Variants in TAF4B observed in about 807,000 individuals in gnomAD.
The protein encoded by TAF4B is transcription initiation factor TFIID subunit 4B.
In TAF4B, 38 loss-of-function variants were observed where a neutral mutation model predicts 86.4. That is an observed-to-expected ratio of 0.44 (90% CI 0.34 to 0.58). The LOEUF (loss-of-function observed/expected upper bound fraction) is 0.58, where lower values mean the gene tolerates loss of function less well. Among genes scored for constraint, TAF4B ranks in the 20% least tolerant of loss-of-function variants. The pLI is 0.02. For missense variants in TAF4B, 988 were observed against 1,027.6 expected, an observed-to-expected ratio of 0.96 and a Z score of 0.53; for synonymous variants, 388 against 391.2, an observed-to-expected ratio of 0.99 and a Z score of 0.10.
chr18:26,387,916 A>G (rs1598847990), intron 14 of TAF4B, among the ~76,000 whole-genome samples: 1 of 152,204 alleles, frequency 6.6e-6, no homozygotes, highest in South Asian at 2.1e-4. Context: ...GTGAACATGC[A>G]TGGAATTAAG....
In TAF4B at chr18:26,280,405, G is replaced by A. The variant is rs115814230; in HGVS notation, c.883-1566G>A. On this transcript the variant is annotated intron_variant, in intron 5 of 14. Coordinates refer to ENST00000269142, the MANE Select transcript of TAF4B (RefSeq NM_005640.3). ...CTACAGAATGGAAGAAAATATTTGC[G>A]AACTATATATCTGACAAAGGTCTAA... Among the ~76,000 whole-genome samples, 745 of 151,940 alleles carry A rather than the reference G, an allele frequency of 4.9e-3. 8 individuals are homozygous for A. The highest frequency in any genetic ancestry group is 0.017 in the African/African-American group (706 of 41,432).
chr18:26,296,384 T>G (rs1376557904), intron 9 of TAF4B, among the ~76,000 whole-genome samples: 1 of 152,114 alleles, frequency 6.6e-6, no homozygotes, highest in Non-Finnish European at 1.5e-5. Flanking sequence ...TGACTTGGGA[T>G]GTATTTAGTC....
chr18:26,310,075 G>A (rs1336158290), intron 9 of TAF4B, among the ~76,000 whole-genome samples: 4 of 152,126 alleles, frequency 2.6e-5, no homozygotes, highest in African/African-American at 9.7e-5. Flanking sequence ...CGCCCACCTC[G>A]GGCTCCGAAA....
At chr18:26,231,926 T>G (rs1219307379) in intron 1 of TAF4B, among the ~76,000 whole-genome samples, 1 of 152,174 alleles carries the variant, frequency 6.6e-6, no homozygotes, top group African/African-American at 2.4e-5. Context: ...GTTCTGTTTC[T>G]TTCCTATCCG....
chr18:26,257,571 A>AGCCTGCCATTTACTTTTGTTTCCT (rs1358151653), intron 1 of TAF4B, among the ~76,000 whole-genome samples: 1 of 152,116 alleles, frequency 6.6e-6, no homozygotes, highest in Non-Finnish European at 1.5e-5. Context: ...AGTTGGACTT[A>AGCCTGCCATTTACTTTTGTTTCCT]GCCTGCCATT....
At chr18:26,238,499 C>G (rs1349531907) in intron 1 of TAF4B, among the ~76,000 whole-genome samples, 1 of 152,090 alleles carries the variant, frequency 6.6e-6, no homozygotes, top group Non-Finnish European at 1.5e-5. Context: ...AAAATTATGT[C>G]TGATTGGTGA....
intron 12 of TAF4B, among the ~76,000 whole-genome samples, chr18:26,332,953 C>T (rs187129080): frequency 3.3e-5 from 5 of 152,022 alleles, no homozygotes; most frequent in Non-Finnish European, 5.9e-5. Flanking sequence ...CATGGACCAT[C>T]GTTCTTTCCT....
intron 1 of TAF4B, among the ~76,000 whole-genome samples, chr18:26,237,453 C>T (rs1016501084): frequency 6.6e-6 from 1 of 152,068 alleles, no homozygotes; most frequent in Non-Finnish European, 1.5e-5. Flanking sequence ...TTCCCTTCCC[C>T]TACAGCTTGA....
rs1289053976 is a variant in TAF4B at position 26,321,112 on chromosome 18, A to G, written c.2045A>G (p.Asn682Ser). 1.2e-6 allele frequency: 2 copies of G among 1,613,794 alleles called. No individual in the cohort carries two copies. Among genetic ancestry groups the G allele is most frequent in the Non-Finnish European group, 1.7e-6 (2 of 1,179,838 alleles). The change falls in exon 11 of 15, where the codon AAC (asparagine) becomes AGC (serine). Residue 682 changes from asparagine (N) to serine (S), a missense_variant. Asn to Ser is a conservative substitution (Grantham distance 46). This residue lies in a region of TAF4B where 216 missense variants were observed against 238.4 expected (regional missense o/e 0.91). Transcript: ENST00000269142. ...ACAGAACTTAACTCTGATGCTGTGA[A>G]CTTGATCTCCCAAGCAACACAGGAA... is the stretch of plus-strand genomic sequence containing the variant. ...DITELNSDAV[N>S]LISQATQERL...
intron 14 of TAF4B, among the ~76,000 whole-genome samples, chr18:26,362,607 C>T (rs2057340374): frequency 6.6e-6 from 1 of 151,972 alleles, no homozygotes; most frequent in Admixed American, 6.6e-5. Context: ...TGATAAAAAC[C>T]ATTATGTGAT....
intron 5 of TAF4B, 146 bp downstream of exon 5, chr18:26,275,199 A>G: frequency 3.3e-6 from 3 of 905,966 alleles, no homozygotes; most frequent in Non-Finnish European, 4.4e-6. Flanking sequence ...TCTGTTGCCC[A>G]AGCTGGAGTG....
At chr18:26,317,243 C>T (rs1336991248) in intron 10 of TAF4B, among the ~76,000 whole-genome samples, 1 of 152,064 alleles carries the variant, frequency 6.6e-6, no homozygotes, top group African/African-American at 2.4e-5. Context: ...GTTGGCCAGG[C>T]TGGTCTTGAA....
At chr18:26,283,405 A>T (rs1389296611) in intron 6 of TAF4B, among the ~76,000 whole-genome samples, 4 of 152,016 alleles carry the variant, frequency 2.6e-5, no homozygotes, top group African/African-American at 9.7e-5. Context: ...ATTGTCAATG[A>T]GTGGTAATAT....
intron 14 of TAF4B, among the ~76,000 whole-genome samples, chr18:26,379,025 T>C (rs1018728781): frequency 1.3e-5 from 2 of 152,162 alleles, no homozygotes; most frequent in Admixed American, 1.3e-4. Flanking sequence ...AGTCATTTTG[T>C]GGCCTATGTT....
intron 13 of TAF4B, among the ~76,000 whole-genome samples, chr18:26,355,427 T>G (rs1194877867): frequency 1.3e-5 from 2 of 152,230 alleles, no homozygotes; most frequent in African/African-American, 4.8e-5. Context: ...CAGATTTGCA[T>G]TAATGCTCAG....
intron 13 of TAF4B, among the ~76,000 whole-genome samples, chr18:26,355,619 G>A (rs1462964210): frequency 6.6e-6 from 1 of 152,150 alleles, no homozygotes; most frequent in Non-Finnish European, 1.5e-5. Flanking sequence ...GAAAACCAAA[G>A]TATAATTTGC....
intron 14 of TAF4B, chr18:26,366,496 A>G (rs1364583706): frequency 3.3e-5 from 5 of 152,134 alleles, no homozygotes; most frequent in Non-Finnish European, 7.3e-5. Context: ...ACAAATGATT[A>G]TTTATTTAGG....
intron 2 of TAF4B, 115 bp downstream of exon 2, chr18:26,265,430 T>C (rs2056225974): frequency 8.1e-7 from 1 of 1,237,272 alleles, no homozygotes; most frequent in African/African-American, 1.6e-5. Flanking sequence ...TCTATTCAGC[T>C]TTTTAGGTCA....
intron 1 of TAF4B, among the ~76,000 whole-genome samples, chr18:26,261,877 T>C (rs1188916509): frequency 1.3e-5 from 2 of 152,232 alleles, no homozygotes; most frequent in African/African-American, 4.8e-5. Flanking sequence ...TTCTCCACTC[T>C]GTTTAACGTA....
Sources: gnomAD v4.1 joint callset for allele counts (sites outside exome capture counted in the v4.1 genomes callset) on GRCh38, gnomAD v4.1.1 for gene constraint, gnomAD v4.1.1 regional missense constraint, MANE v1.5 for transcripts, NCBI Gene and HGNC (gene_info 2026-07-23, HGNC 2026-07-21) for gene names.